The following SNPH variants were observed in gnomAD, a reference collection of about 807,000 sequenced individuals.
The protein encoded by SNPH is syntaphilin.
Under a neutral mutation model 36.8 loss-of-function variants are expected in SNPH, and 10 were observed. That is an observed-to-expected ratio of 0.27 (90% CI 0.17 to 0.46). The LOEUF (loss-of-function observed/expected upper bound fraction) is 0.46, where lower values mean the gene tolerates loss of function less well. Among genes scored for constraint, SNPH ranks in the 20% least tolerant of loss-of-function variants. SNPH has a pLI of 1.00. For synonymous variants in SNPH, 281 were observed against 312.2 expected, an observed-to-expected ratio of 0.90 and a Z score of 1.05; for missense variants, 622 against 744.0, an observed-to-expected ratio of 0.84 and a Z score of 1.91.
At position 1,266,589 on chromosome 20, in the gene SNPH, G is replaced by A. The variant is rs1232706410; in HGVS notation, c.-599-65G>A. 9 of 1,410,666 alleles carry A rather than the reference G, an allele frequency of 6.4e-6. No homozygotes were observed. Among genetic ancestry groups the A allele is most frequent in the Non-Finnish European group, 7.3e-6 (8 of 1,089,388 alleles). The allele number at this position is 1,410,666 out of a possible 1,614,324, so 87.4% of individuals were successfully genotyped here. Reference sequence around the variant, plus strand: ...CCAGCTGTCAGCGGCCGGGGGCTCAGCTGCCTGGGTGTTCCCCGCCCGCGC... The same window carrying A: ...CCAGCTGTCAGCGGCCGGGGGCTCAACTGCCTGGGTGTTCCCCGCCCGCGC... On this transcript the variant is annotated intron_variant, in intron 1 of 6. Coordinates refer to ENST00000381867, the MANE Select transcript of SNPH (RefSeq NM_001318234.2). This position sits in a 1 kb window ranked among gnomAD's most constrained non-coding sequence, Gnocchi z 6.0.
At chr20:1,291,804 T>A (rs2088365338) in intron 2 of SNPH, among the ~76,000 whole-genome samples, 1 of 152,208 alleles carries the variant, frequency 6.6e-6, no homozygotes, top group East Asian at 1.9e-4. Flanking sequence ...ATACAGGGAC[T>A]TTTGCTTAGC....
chr20:1,307,466 C>G lies in SNPH; in HGVS notation c.*1412C>G, dbSNP rs1388199941. 6.6e-6 allele frequency: 1 copy of G among 152,334 alleles called. No homozygotes were observed. The highest frequency in any genetic ancestry group is 1.5e-5 in the Non-Finnish European group (1 of 68,092). The allele number at this position is 152,334 out of a possible 1,614,324, so 9.4% of individuals were successfully genotyped here. On this transcript the variant is annotated 3_prime_UTR_variant, in exon 7 of 7. Coordinates refer to ENST00000381867, the MANE Select transcript of SNPH (RefSeq NM_001318234.2). Reference sequence around the variant, plus strand: ...CCAAGTAAACTCACTCCTTTTCCCCCACAGGGGTTACACCCATCTGGTTGT... The same window carrying G: ...CCAAGTAAACTCACTCCTTTTCCCCGACAGGGGTTACACCCATCTGGTTGT...
intron 2 of SNPH, among the ~76,000 whole-genome samples, chr20:1,293,625 G>C (rs2088390971): frequency 6.6e-6 from 1 of 152,150 alleles, no homozygotes; most frequent in Admixed American, 6.5e-5. Flanking sequence ...TTTGGGCCTG[G>C]GTGGCTTCTG....
At chr20:1,289,182 C>T (rs1383597861) in intron 2 of SNPH, among the ~76,000 whole-genome samples, 1 of 152,152 alleles carries the variant, frequency 6.6e-6, no homozygotes, top group Admixed American at 6.5e-5. Context: ...GGGTCCAGCC[C>T]TTGGTGACTC....
chr20:1,303,766 G>T (rs371250381), intron 6 of SNPH, among the ~76,000 whole-genome samples: 2 of 152,150 alleles, frequency 1.3e-5, no homozygotes, highest in East Asian at 1.9e-4. Context: ...GCTTGATCTG[G>T]GACGGTCATT....
In SNPH at chr20:1,285,280, C is replaced by A. The variant is rs1387946169; in HGVS notation, c.-492-9671C>A. Among the ~76,000 whole-genome samples, 1 of 152,110 alleles carries A rather than the reference C, an allele frequency of 6.6e-6. No homozygotes were observed. Among genetic ancestry groups the A allele is most frequent in the African/African-American group, 2.4e-5 (1 of 41,418 alleles). On this transcript the variant is annotated intron_variant, in intron 2 of 6. Transcript: ENST00000381867. The surrounding 1 kb of genome is among the most constrained non-coding windows in gnomAD (Gnocchi z 4.9). ...GACCAAAGTGGCGGTGTCCTGAAAT[C>A]CTGTTGTTTGGTAGACAATGACCGG...
intron 2 of SNPH, among the ~76,000 whole-genome samples, chr20:1,286,864 C>T (rs1358700527): frequency 1.3e-5 from 2 of 152,108 alleles, no homozygotes; most frequent in Non-Finnish European, 2.9e-5. Context: ...AAGGGGCTGT[C>T]GTCGCAGGCA....
At chr20:1,283,669 G>A (rs957882231) in intron 2 of SNPH, among the ~76,000 whole-genome samples, 25 of 152,180 alleles carry the variant, frequency 1.6e-4, no homozygotes, top group Non-Finnish European at 3.1e-4. Context: ...ATACGGCCGT[G>A]GGCTGCCAGT....
In SNPH at chr20:1,276,571, G is replaced by T. The variant is rs2088134305; in HGVS notation, c.-493+9811G>T. Among the ~76,000 whole-genome samples the T allele has an allele frequency of 6.6e-6, 1 of 152,186 alleles. No homozygotes were observed. The highest frequency in any genetic ancestry group is 1.5e-5 in the Non-Finnish European group (1 of 68,036). On this transcript the variant is annotated intron_variant, in intron 2 of 6. Coordinates refer to ENST00000381867, the MANE Select transcript of SNPH (RefSeq NM_001318234.2). The surrounding 1 kb of genome is among the most constrained non-coding windows in gnomAD (Gnocchi z 4.6). ...CCTCCTGACAGCAAAGCTGGCATGAGAATTAAACTAGATTAGAAATCTTCT... is the reference window on the plus strand; with the variant it reads ...CCTCCTGACAGCAAAGCTGGCATGATAATTAAACTAGATTAGAAATCTTCT...
At chr20:1,298,302 C>G (rs1209682314) in intron 5 of SNPH, among the ~76,000 whole-genome samples, 2 of 152,200 alleles carry the variant, frequency 1.3e-5, no homozygotes, top group East Asian at 3.8e-4. Context: ...TTTGATCTGA[C>G]TTAAGGCCAG....
rs1252101598 is a variant in SNPH, at chr20:1,306,000, C to T, written c.1563C>T (p.Cys521=). Residue 521 remains cysteine, a synonymous_variant, in exon 7 of 7, where the codon TGC becomes TGT. Coordinates refer to ENST00000381867, the MANE Select transcript of SNPH (RefSeq NM_001318234.2). ...VALHSIRRIS[C]RSLSQPSPSP... ...TGCACTCCATCCGCAGGATCAGCTGCCGCTCGCTGAGCCAGCCGAGTCCCA... is the reference window on the plus strand; with the variant it reads ...TGCACTCCATCCGCAGGATCAGCTGTCGCTCGCTGAGCCAGCCGAGTCCCA... 6.5e-7 allele frequency: 1 copy of T among 1,530,858 alleles called. No individual in the cohort carries two copies. The highest frequency in any genetic ancestry group is 2.1e-5 in the Admixed American group (1 of 48,730). 94.8% of individuals were successfully genotyped at this position (1,530,858 alleles called of 1,614,324 possible). A position where few individuals can be genotyped will look rare whatever the true frequency, so the allele number is the denominator to read the frequency against.
intron 2 of SNPH, among the ~76,000 whole-genome samples, chr20:1,274,834 C>T (rs6074376): frequency 0.067 from 10,148 of 152,138 alleles, 467 homozygotes; most frequent in East Asian, 0.17. Context: ...CTGGGTCCTG[C>T]GTCTTTCCCA....
chr20:1,273,070 G>T (rs753949), intron 2 of SNPH, among the ~76,000 whole-genome samples: 10,155 of 152,264 alleles, frequency 0.067, 467 homozygotes, highest in East Asian at 0.17. Context: ...TCAGTGGGTG[G>T]GGTAGTTCCT....
rs1004952569 is a variant in SNPH at position 1,276,796 on chromosome 20, G to A, written c.-493+10036G>A. On this transcript the variant is annotated intron_variant, in intron 2 of 6. Coordinates refer to ENST00000381867, the MANE Select transcript of SNPH (RefSeq NM_001318234.2). The surrounding 1 kb of genome is among the most constrained non-coding windows in gnomAD (Gnocchi z 4.6). Reference sequence around the variant, plus strand: ...TTCAAACTGGGTCCGGGTGACTGCAGAACAGGAATGTTATTCCGAGAAACA... The same window carrying A: ...TTCAAACTGGGTCCGGGTGACTGCAAAACAGGAATGTTATTCCGAGAAACA... Among the ~76,000 whole-genome samples the A allele has an allele frequency of 6.6e-6, 1 of 152,320 alleles. No individual in the cohort carries two copies. The highest frequency in any genetic ancestry group is 3.4e-3 in the Middle Eastern group (1 of 294).
intron 2 of SNPH, among the ~76,000 whole-genome samples, chr20:1,270,185 C>A (rs939266506): frequency 7.9e-5 from 12 of 152,170 alleles, no homozygotes; most frequent in African/African-American, 2.9e-4. Context: ...AAACATTGAC[C>A]AGCATTTGTC....
At position 1,276,473 on chromosome 20, in the gene SNPH, T is replaced by G. The variant is rs1456416037; in HGVS notation, c.-493+9713T>G. ...CTCTGCCGTGGACTGACTTTGTGACTGGGCAAGTCACTTAATTTATCTGAC... is the reference window on the plus strand; with the variant it reads ...CTCTGCCGTGGACTGACTTTGTGACGGGGCAAGTCACTTAATTTATCTGAC... On this transcript the variant is annotated intron_variant, in intron 2 of 6. Coordinates refer to ENST00000381867, the MANE Select transcript of SNPH (RefSeq NM_001318234.2). This position sits in a 1 kb window ranked among gnomAD's most constrained non-coding sequence, Gnocchi z 4.6. Among the ~76,000 whole-genome samples the G allele has an allele frequency of 6.6e-6, 1 of 152,194 alleles. No homozygotes were observed. Among genetic ancestry groups the G allele is most frequent in the African/African-American group, 2.4e-5 (1 of 41,446 alleles).
intron 6 of SNPH, among the ~76,000 whole-genome samples, chr20:1,302,636 C>A (rs1285712385): frequency 1.3e-5 from 2 of 152,246 alleles, no homozygotes; most frequent in African/African-American, 4.8e-5. Flanking sequence ...CCGCCAGTTT[C>A]TCTCCAACCA....
intron 6 of SNPH, among the ~76,000 whole-genome samples, chr20:1,302,857 A>G (rs962070896): frequency 6.6e-5 from 10 of 152,078 alleles, no homozygotes; most frequent in Non-Finnish European, 1.3e-4. Flanking sequence ...CAGAGGGAGG[A>G]TTTCTATTTT....
At chr20:1,290,397 C>T (rs1221695784) in intron 2 of SNPH, among the ~76,000 whole-genome samples, 1 of 152,150 alleles carries the variant, frequency 6.6e-6, no homozygotes, top group Non-Finnish European at 1.5e-5. Flanking sequence ...TGTCTGTGTG[C>T]ATTTGCCTGT....
Sources: gnomAD v4.1 joint callset for allele counts (sites outside exome capture counted in the v4.1 genomes callset) on GRCh38, gnomAD v4.1.1 for gene constraint, Gnocchi (gnomAD v3.1) non-coding constraint, MANE v1.5 for transcripts, NCBI Gene and HGNC (gene_info 2026-07-23, HGNC 2026-07-21) for gene names.